COPG2: variants seen among roughly 807,000 people sequenced by gnomAD.
COPG2 encodes coat protein complex I subunit gamma 2.
A neutral mutation model predicts 46.3 loss-of-function variants in COPG2; 37 were observed. The observed-to-expected ratio is 0.80, with a 90% CI of 0.61 to 1.05. COPG2 has a LOEUF of 1.05. COPG2 is among the 50% of genes least tolerant of loss of function. The pLI is 0.00. For synonymous variants in COPG2, 159 were observed against 129.7 expected (o/e 1.23, Z -1.53); for missense variants, 427 against 387.8 (o/e 1.10, Z -0.85).
At position 130,508,451 on chromosome 7, in the gene COPG2, A is replaced by G. The variant is rs529533649; in HGVS notation, c.2247+111T>C. 4 of 635,292 alleles carry G rather than the reference A, an allele frequency of 6.3e-6. No homozygotes were observed. In the East Asian group the frequency reaches 1.1e-4, roughly 17 times the overall value. 39.4% of individuals were successfully genotyped at this position (635,292 alleles called of 1,614,324 possible). ...AATTTGTCATCTGTTTCAGAAGAAT[A>G]GAAATCCCTTAAGTTTATGTCAGAT... On this transcript the variant is annotated intron_variant, in intron 21 of 23. Transcript: ENST00000425248.
intron 20 of COPG2, chr7:130,509,526 G>T (rs1584957882): frequency 2.5e-6 from 1 of 397,414 alleles, no homozygotes; most frequent in Non-Finnish European, 5.0e-6. Flanking sequence ...AACAGGCTCA[G>T]ATGTGAAGAC....
chr7:130,560,102 T>C (rs1793693438), intron 12 of COPG2, among the ~76,000 whole-genome samples: 1 of 152,150 alleles, frequency 6.6e-6, no homozygotes, highest in East Asian at 1.9e-4. Context: ...CAATTATTTA[T>C]ATAGATAATC....
chr7:130,625,801 T>G (rs527745130), intron 5 of COPG2, among the ~76,000 whole-genome samples: 3 of 152,164 alleles, frequency 2.0e-5, no homozygotes. Context: ...TTATCTATAC[T>G]AATTCCTATC....
intron 20 of COPG2, among the ~76,000 whole-genome samples, chr7:130,520,559 G>A (rs1326765830): frequency 1.3e-5 from 2 of 152,156 alleles, no homozygotes; most frequent in Admixed American, 1.3e-4. Context: ...CAGTGAGTTA[G>A]CATTCTTGTG....
chr7:130,598,993 T>TGG (rs1794582488), intron 9 of COPG2, among the ~76,000 whole-genome samples: 1 of 152,136 alleles, frequency 6.6e-6, no homozygotes, highest in Admixed American at 6.6e-5. Context: ...CATGCAAGGA[T>TGG]TCCAAGCAAT....
intron 20 of COPG2, among the ~76,000 whole-genome samples, chr7:130,533,432 A>G (rs1371367635): frequency 6.6e-6 from 1 of 151,950 alleles, no homozygotes; most frequent in Non-Finnish European, 1.5e-5. Flanking sequence ...CAGGTAAGAC[A>G]AGCAAAGAAT....
intron 11 of COPG2, among the ~76,000 whole-genome samples, chr7:130,561,500 G>A (rs1229197082): frequency 1.3e-5 from 2 of 152,076 alleles, no homozygotes; most frequent in Non-Finnish European, 2.9e-5. Context: ...CTTATAGTAC[G>A]TGTGTTCATA....
chr7:130,570,896 AACT>A (rs1793885042), intron 9 of COPG2, among the ~76,000 whole-genome samples: 1 of 152,146 alleles, frequency 6.6e-6, no homozygotes, highest in Admixed American at 6.5e-5. Context: ...AAATAAACCC[AACT>A]ACTTATAGCC....
chr7:130,521,103 C>T (rs968992110), intron 20 of COPG2, among the ~76,000 whole-genome samples: 119,042 of 151,876 alleles, frequency 0.78, 47,060 homozygotes, highest in Non-Finnish European at 0.85. Flanking sequence ...AAGTGTTTGC[C>T]ACCAAAAATT....
At chr7:130,586,382 G>A (rs1425998537) in intron 9 of COPG2, among the ~76,000 whole-genome samples, 1 of 152,012 alleles carries the variant, frequency 6.6e-6, no homozygotes, top group Non-Finnish European at 1.5e-5. Context: ...CTCAGGTGAT[G>A]GGTGCACCAA....
chr7:130,595,838 G>A (rs1186896073), intron 9 of COPG2, among the ~76,000 whole-genome samples: 3 of 152,062 alleles, frequency 2.0e-5, no homozygotes, highest in African/African-American at 7.2e-5. Context: ...TCATCTTTAT[G>A]GCCATCCAGC....
chr7:130,575,246 C>T (rs1793982221), intron 9 of COPG2, among the ~76,000 whole-genome samples: 1 of 152,174 alleles, frequency 6.6e-6, no homozygotes, highest in African/African-American at 2.4e-5. Context: ...CTTAGGCACA[C>T]TGTCATCAGG....
intron 9 of COPG2, chr7:130,608,274 T>C (rs781960413): frequency 2.3e-6 from 1 of 429,950 alleles, no homozygotes; most frequent in Admixed American, 2.7e-5. Flanking sequence ...ACTATTTTCA[T>C]ATATTTCACT....
intron 20 of COPG2, among the ~76,000 whole-genome samples, chr7:130,543,295 C>T (rs1208174654): frequency 1.3e-5 from 2 of 152,188 alleles, no homozygotes; most frequent in Non-Finnish European, 2.9e-5. Context: ...GTTTAAACCA[C>T]TTTGGGATTT....
At chr7:130,565,565 A>G (rs1198287416) in intron 9 of COPG2, among the ~76,000 whole-genome samples, 11 of 152,184 alleles carry the variant, frequency 7.2e-5, no homozygotes, top group Non-Finnish European at 2.9e-5. Context: ...TCTATGGGGG[A>G]AAAAAAGTAG....
intron 12 of COPG2, among the ~76,000 whole-genome samples, chr7:130,556,623 C>T (rs1584972455): frequency 1.3e-5 from 2 of 151,664 alleles, no homozygotes; most frequent in African/African-American, 2.4e-5. Context: ...TTATAAATAC[C>T]GATGTAAAAA....
intron 5 of COPG2, among the ~76,000 whole-genome samples, chr7:130,619,052 T>C (rs567425115): frequency 6.6e-6 from 1 of 152,332 alleles, no homozygotes; most frequent in East Asian, 1.9e-4. Flanking sequence ...TTTCTTTTAA[T>C]AGGCAATGTC....
intron 5 of COPG2, among the ~76,000 whole-genome samples, chr7:130,628,663 TATC>T (rs1795165180): frequency 6.6e-6 from 1 of 152,230 alleles, no homozygotes; most frequent in African/African-American, 2.4e-5. Context: ...TTCTGCTTGG[TATC>T]ATATTCCTTC....
intron 14 of COPG2, among the ~76,000 whole-genome samples, 183 bp downstream of exon 14, chr7:130,554,298 T>C (rs1793582743): frequency 6.6e-6 from 1 of 152,174 alleles, no homozygotes; most frequent in Non-Finnish European, 1.5e-5. Context: ...GAAGGGTTAT[T>C]TGTCTAATCT....
Sources: allele counts gnomAD v4.1 joint callset (sites outside exome capture counted in the v4.1 genomes callset), GRCh38; gene constraint gnomAD v4.1.1; transcripts MANE v1.5; gene names NCBI Gene and HGNC (gene_info 2026-07-23, HGNC 2026-07-21).